Variants in STK39 observed in about 807,000 individuals in gnomAD.
The protein encoded by STK39 is STE20/SPS1-related proline-alanine-rich protein kinase.
STK39 carries 20 observed loss-of-function variants against 77.8 expected under a neutral mutation model. The ratio of observed to expected loss-of-function variants is 0.26; its 90% CI spans 0.18 to 0.37. The LOEUF is 0.37. Ranked by LOEUF, STK39 falls within the 10% of genes least tolerant of loss-of-function variation. STK39 has a pLI of 1.00. For synonymous variants in STK39, 246 were observed against 234.1 expected (o/e 1.05, Z -0.47); for missense variants, 479 against 656.5 (o/e 0.73, Z 2.95).
intron 16 of STK39, among the ~76,000 whole-genome samples, chr2:168,000,735 C>T (rs12328189): frequency 0.15 from 23,233 of 152,094 alleles, 1,989 homozygotes; most frequent in Middle Eastern, 0.18. Context: ...TCTGACAGCA[C>T]GATCTTGACC....
In STK39 at chr2:168,018,498, T is replaced by TAAGAAAAGA. The variant is rs937163884; in HGVS notation, c.1377-1412_1377-1404dup. Among the ~76,000 whole-genome samples the TAAGAAAAGA allele has an allele frequency of 1.7e-3, 183 of 105,062 alleles. 2 individuals are homozygous for TAAGAAAAGA. The Middle Eastern group carries it at 0.025, about 14-fold the overall frequency. The allele number at this position is 105,062 out of a possible 152,430, so 68.9% of individuals were successfully genotyped here. A position where few individuals can be genotyped will look rare whatever the true frequency, so the allele number is the denominator to read the frequency against. Reference sequence around the variant, plus strand: ...GCAGAGCAAGAGTTCATCTCATTTTTAAGAAAAGAAAGAAAAGAAAGAAAA... The same window carrying TAAGAAAAGA: ...GCAGAGCAAGAGTTCATCTCATTTTTAAGAAAAGAAAGAAAAGAAAGAAAAGAAAGAAAA... On this transcript the variant is annotated intron_variant, in intron 14 of 17. Coordinates refer to ENST00000355999, the MANE Select transcript of STK39 (RefSeq NM_013233.3).
intron 10 of STK39, among the ~76,000 whole-genome samples, chr2:168,091,150 G>GCACACACACACACA (rs71927823): frequency 3.3e-4 from 49 of 147,648 alleles, no homozygotes; most frequent in African/African-American, 1.2e-3. Flanking sequence ...ACAAACAGGT[G>GCACACACACACACA]CACACACACA....
chr2:167,970,252 GC>G (rs1335726523), intron 16 of STK39, among the ~76,000 whole-genome samples: 1 of 152,096 alleles, frequency 6.6e-6, no homozygotes, highest in Non-Finnish European at 1.5e-5. Context: ...TCTGGATGCG[GC>G]CCTTTACCAA....
At chr2:168,122,063 C>A (rs553070935) in intron 10 of STK39, among the ~76,000 whole-genome samples, 1 of 152,290 alleles carries the variant, frequency 6.6e-6, no homozygotes, top group Admixed American at 6.5e-5. Context: ...TTCAGGGGCA[C>A]ATGTGAAGGT....
At position 168,236,762 on chromosome 2, in the gene STK39, T is replaced by C. The variant is rs536962416; in HGVS notation, c.208+10466A>G. 3.3e-5 allele frequency among the ~76,000 whole-genome samples: 5 copies of C among 152,316 alleles called. No homozygotes were observed. The South Asian group carries it at 6.2e-4, about 19-fold the overall frequency. On this transcript the variant is annotated intron_variant, in intron 1 of 17. Coordinates refer to ENST00000355999, the MANE Select transcript of STK39 (RefSeq NM_013233.3). ...TTGTCAAAGATCAGATGGTTGTAGA[T>C]ATGCGGCATTATTTCTGAGGGCTCT...
At chr2:168,108,570 AT>A (rs1319591128) in intron 10 of STK39, among the ~76,000 whole-genome samples, 8 of 150,258 alleles carry the variant, frequency 5.3e-5, no homozygotes, top group Admixed American at 6.6e-5. Flanking sequence ...AGAAAAGAAA[AT>A]AAAAAAAAAA....
chr2:168,004,426 A>G (rs1214678211), intron 16 of STK39, among the ~76,000 whole-genome samples: 2 of 152,196 alleles, frequency 1.3e-5, no homozygotes, highest in Non-Finnish European at 2.9e-5. Context: ...AAAGATTATT[A>G]TAAGCATAAA....
intron 1 of STK39, among the ~76,000 whole-genome samples, chr2:168,234,265 AT>A (rs1299200598): frequency 6.6e-6 from 1 of 152,230 alleles, no homozygotes; most frequent in African/African-American, 2.4e-5. Context: ...AACAGTCTAT[AT>A]CTGCACTAGC....
At chr2:168,015,887 C>T (rs925081949) in intron 15 of STK39, among the ~76,000 whole-genome samples, 1 of 152,108 alleles carries the variant, frequency 6.6e-6, no homozygotes, top group African/African-American at 2.4e-5. Flanking sequence ...AAGATGGATA[C>T]CTCCAGAAAG....
chr2:168,106,358 C>T (rs1292635691), intron 10 of STK39, among the ~76,000 whole-genome samples: 3 of 152,114 alleles, frequency 2.0e-5, no homozygotes, highest in African/African-American at 4.8e-5. Flanking sequence ...AAGCACTTGG[C>T]GCAATCTTTG....
chr2:168,242,593 ATAT>A (rs1690796328), intron 1 of STK39, among the ~76,000 whole-genome samples: 3 of 128,870 alleles, frequency 2.3e-5, no homozygotes, highest in African/African-American at 9.1e-5. Flanking sequence ...ATATATATAT[ATAT>A]AAAGAGGCCA....
intron 1 of STK39, among the ~76,000 whole-genome samples, chr2:168,241,296 GTT>G (rs1431509587): frequency 6.6e-6 from 1 of 152,196 alleles, no homozygotes; most frequent in African/African-American, 2.4e-5. Context: ...CACAGGGAGC[GTT>G]TCTTTTAGTC....
chr2:168,187,070 A>G (rs1689227699), intron 1 of STK39, among the ~76,000 whole-genome samples: 1 of 152,202 alleles, frequency 6.6e-6, no homozygotes, highest in South Asian at 2.1e-4. Context: ...AGTTATTTTA[A>G]GGCCGGGCAT....
chr2:168,205,121 T>C (rs962048807), intron 1 of STK39, among the ~76,000 whole-genome samples: 1 of 152,216 alleles, frequency 6.6e-6, no homozygotes, highest in Non-Finnish European at 1.5e-5. Context: ...ATATAGGTGA[T>C]GGAGAGATGG....
intron 1 of STK39, among the ~76,000 whole-genome samples, chr2:168,216,597 G>T (rs907967018): frequency 6.6e-6 from 1 of 152,282 alleles, no homozygotes; most frequent in African/African-American, 2.4e-5. Context: ...TTTCAGTGAC[G>T]TGAGTCATCT....
chr2:168,172,276 C>G (rs1443295417), intron 2 of STK39, among the ~76,000 whole-genome samples: 8 of 152,208 alleles, frequency 5.3e-5, no homozygotes, highest in South Asian at 4.1e-4. Flanking sequence ...GGCACAGAGA[C>G]AGACCATGGC....
intron 1 of STK39, among the ~76,000 whole-genome samples, chr2:168,191,505 AG>A (rs1689339434): frequency 6.6e-6 from 1 of 152,230 alleles, no homozygotes; most frequent in South Asian, 2.1e-4. Flanking sequence ...CCTCAGGAAG[AG>A]GATAACTACA....
chr2:168,155,666 A>G (rs1421790286), intron 5 of STK39, among the ~76,000 whole-genome samples: 8 of 151,714 alleles, frequency 5.3e-5, no homozygotes, highest in African/African-American at 1.7e-4. Context: ...CCTTAACTTT[A>G]GCCTCATGGC....
chr2:168,192,884 C>T (rs993919815), intron 1 of STK39, among the ~76,000 whole-genome samples: 2 of 152,154 alleles, frequency 1.3e-5, no homozygotes, highest in Admixed American at 1.3e-4. Context: ...TCCCTATGAT[C>T]AGCTCTGCTC....
Sources: gnomAD v4.1 joint callset for allele counts (sites outside exome capture counted in the v4.1 genomes callset) on GRCh38, gnomAD v4.1.1 for gene constraint, MANE v1.5 for transcripts, NCBI Gene and HGNC (gene_info 2026-07-23, HGNC 2026-07-21) for gene names.